Variants in MGAT4C observed in about 807,000 individuals in gnomAD.
MGAT4C encodes the protein alpha-1,3-mannosyl-glycoprotein 4-beta-N-acetylglucosaminyltransferase C.
MGAT4C carries 19 observed loss-of-function variants against 40.1 expected under a neutral mutation model. The observed-to-expected ratio is 0.47, with a 90% CI of 0.33 to 0.70. The LOEUF (loss-of-function observed/expected upper bound fraction) is 0.70. MGAT4C is among the 30% of genes least tolerant of loss of function. The pLI is 0.02. For missense variants in MGAT4C, 491 were observed against 563.2 expected (o/e 0.87, Z 1.30); for synonymous variants, 181 against 187.1 (o/e 0.97, Z 0.27).
intron 1 of MGAT4C, among the ~76,000 whole-genome samples, chr12:86,827,293 G>A (rs892366194): frequency 7.3e-5 from 11 of 151,366 alleles, no homozygotes; most frequent in African/African-American, 2.7e-4. Context: ...TGCTCCTGGT[G>A]CAAAAATGTA....
At chr12:86,087,949 A>T (rs1872190002) in intron 1 of MGAT4C, among the ~76,000 whole-genome samples, 1 of 152,132 alleles carries the variant, frequency 6.6e-6, no homozygotes, top group South Asian at 2.1e-4. Context: ...AAAAGAACAA[A>T]GTTGGAGGCA....
At chr12:86,103,680 T>C (rs1049880030) in intron 1 of MGAT4C, among the ~76,000 whole-genome samples, 1 of 152,084 alleles carries the variant, frequency 6.6e-6, no homozygotes, top group Non-Finnish European at 1.5e-5. Flanking sequence ...TTGTGTCCTG[T>C]GGTTTGAACT....
At chr12:86,408,821 T>C (rs1956543034) in intron 3 of MGAT4C, among the ~76,000 whole-genome samples, 1 of 152,034 alleles carries the variant, frequency 6.6e-6, no homozygotes, top group African/African-American at 2.4e-5. Context: ...TTTTCCAGAA[T>C]AGTATGTCCA....
chr12:86,775,432 A>G (rs1951732970), intron 1 of MGAT4C, among the ~76,000 whole-genome samples: 1 of 150,590 alleles, frequency 6.6e-6, no homozygotes, highest in Non-Finnish European at 1.5e-5. Flanking sequence ...AAATAAATAC[A>G]TATATACTTA....
intron 2 of MGAT4C, among the ~76,000 whole-genome samples, chr12:86,703,261 AC>A (rs1950395780): frequency 6.6e-6 from 1 of 152,194 alleles, no homozygotes; most frequent in African/African-American, 2.4e-5. Context: ...TTTAGAATAA[AC>A]ATAATTGATA....
chr12:86,484,753 C>T (rs1957989604), intron 2 of MGAT4C, among the ~76,000 whole-genome samples: 1 of 152,114 alleles, frequency 6.6e-6, no homozygotes, highest in Non-Finnish European at 1.5e-5. Context: ...CCTGAGAGAG[C>T]CCAAATGCCC....
chr12:86,123,944 T>C (rs967050411), intron 1 of MGAT4C, among the ~76,000 whole-genome samples: 4 of 152,048 alleles, frequency 2.6e-5, no homozygotes, highest in Non-Finnish European at 5.9e-5. Context: ...AGGAAAAAAA[T>C]AGTCCCATTG....
At chr12:86,227,948 A>C (rs913188154) in intron 1 of MGAT4C, among the ~76,000 whole-genome samples, 12 of 151,928 alleles carry the variant, frequency 7.9e-5, no homozygotes, top group African/African-American at 2.9e-4. Context: ...TTTCTGAATC[A>C]TGGCTTTTTA....
intron 1 of MGAT4C, among the ~76,000 whole-genome samples, chr12:86,799,881 T>C (rs1326417343): frequency 2.0e-5 from 3 of 151,868 alleles, no homozygotes. Context: ...GGATTTTGTG[T>C]CTCTCTTGAA....
intron 2 of MGAT4C, among the ~76,000 whole-genome samples, chr12:86,519,667 A>T (rs1958758790): frequency 6.6e-6 from 1 of 152,068 alleles, no homozygotes; most frequent in Non-Finnish European, 1.5e-5. Context: ...GATGTTGATT[A>T]TTTTTTAACT....
intron 2 of MGAT4C, among the ~76,000 whole-genome samples, chr12:86,607,753 G>C (rs1016965669): frequency 6.6e-6 from 1 of 152,118 alleles, no homozygotes; most frequent in Non-Finnish European, 1.5e-5. Flanking sequence ...TCTATCATTT[G>C]CACTTTCTTT....
intron 4 of MGAT4C, among the ~76,000 whole-genome samples, chr12:86,314,380 T>C (rs949989313): frequency 6.6e-5 from 10 of 152,092 alleles, no homozygotes. Context: ...CATGGTGAAC[T>C]GGAATAAGAC....
intron 2 of MGAT4C, among the ~76,000 whole-genome samples, chr12:85,993,093 C>G (rs1383579763): frequency 6.6e-6 from 1 of 152,188 alleles, no homozygotes; most frequent in African/African-American, 2.4e-5. Flanking sequence ...TCCAGGTCCC[C>G]TTTTCAAATT....
intron 2 of MGAT4C, among the ~76,000 whole-genome samples, chr12:86,636,380 A>G (rs1012354074): frequency 2.0e-5 from 3 of 151,982 alleles, no homozygotes; most frequent in African/African-American, 4.8e-5. Flanking sequence ...TACTGTGTCA[A>G]TAGTACTCTA....
intron 2 of MGAT4C, among the ~76,000 whole-genome samples, chr12:85,994,749 G>T (rs2136744954): frequency 6.6e-6 from 1 of 152,238 alleles, no homozygotes; most frequent in East Asian, 1.9e-4. Flanking sequence ...CAGACTCCGG[G>T]ATTAGTCCAT....
At chr12:86,804,404 C>G (rs1419409548) in intron 1 of MGAT4C, among the ~76,000 whole-genome samples, 1 of 147,564 alleles carries the variant, frequency 6.8e-6, no homozygotes, top group Admixed American at 6.8e-5. Context: ...TACCCTAAAA[C>G]TTAAAGTATA....
At chr12:86,285,043 A>T (rs1953317373) in intron 4 of MGAT4C, among the ~76,000 whole-genome samples, 1 of 152,036 alleles carries the variant, frequency 6.6e-6, no homozygotes, top group African/African-American at 2.4e-5. Context: ...TATTCACTAA[A>T]ATTCAAAAAT....
chr12:86,096,398 TCCTCC>T (rs370964610), intron 1 of MGAT4C, among the ~76,000 whole-genome samples: 2,187 of 149,188 alleles, frequency 0.015, 63 homozygotes, highest in African/African-American at 0.051. Flanking sequence ...TTGAATTAAC[TCCTCC>T]CCTCCCCTCC....
At chr12:86,106,585 G>A (rs1163035659) in intron 1 of MGAT4C, among the ~76,000 whole-genome samples, 13 of 152,174 alleles carry the variant, frequency 8.5e-5, no homozygotes, top group African/African-American at 2.6e-4. Flanking sequence ...GATTATAGGC[G>A]TGAGCCATGG....
Sources: gnomAD v4.1 joint callset for allele counts (sites outside exome capture counted in the v4.1 genomes callset) on GRCh38, gnomAD v4.1.1 for gene constraint, MANE v1.5 for transcripts, NCBI Gene and HGNC (gene_info 2026-07-23, HGNC 2026-07-21) for gene names.